The following HMCN2 variants were observed in gnomAD, a reference collection of about 807,000 sequenced individuals.
HMCN2 encodes the protein hemicentin 2.
HMCN2 carries 325 observed loss-of-function variants against 377.5 expected under a neutral mutation model. The ratio of observed to expected loss-of-function variants is 0.86; its 90% confidence interval spans 0.79 to 0.94. The LOEUF is 0.94. HMCN2 is among the 40% of genes least tolerant of loss of function. The pLI, the probability that HMCN2 is intolerant of heterozygous loss-of-function variation, is 0.00. For synonymous variants in HMCN2, 2,007 were observed against 2,046.8 expected (o/e 0.98, Z 0.53); for missense variants, 4,543 against 4,725.3 (o/e 0.96, Z 1.13).
At position 130,427,549 on chromosome 9, in the gene HMCN2, T is replaced by C. The variant is rs1342892788; in HGVS notation, c.13995T>C (p.Asn4665=). ...GPSPCSHACL[N]APGRFSCTCP... ...GCCCCTGCTCCCATGCCTGCCTTAA[T>C]GCACCCGGCCGCTTCTCCTGCACCT... The change falls in exon 92 of 98, where the codon AAT becomes AAC. Residue 4665 remains asparagine, a synonymous_variant. Transcript: ENST00000683500. 1.1e-5 allele frequency: 17 copies of C among 1,550,486 alleles called. No individual in the cohort carries two copies. In the South Asian group the frequency reaches 1.3e-4, roughly 12 times the overall value.
At position 130,358,417 on chromosome 9, in the gene HMCN2, G is replaced by C; in HGVS notation, c.5608G>C (p.Gly1870Arg). ...QIEKVDLRDE[G>R]IYTCAATNLA... ...TGAGAAGGTGGACCTGAGGGACGAG[G>C]GCATCTACACTTGTGCTGCTACCAA... is the stretch of plus-strand genomic sequence containing the variant. The change falls in exon 36 of 98, where the codon GGC becomes CGC. Residue 1870 changes from glycine (G) to arginine (R), a missense_variant. Coordinates refer to ENST00000683500, the MANE Select transcript of HMCN2 (RefSeq NM_001291815.2). 7.7e-7 allele frequency: 1 copy of C among 1,304,308 alleles called. No individual in the cohort carries two copies. Among genetic ancestry groups the C allele is most frequent in the Non-Finnish European group, 1.0e-6 (1 of 988,952 alleles). The allele number at this position is 1,304,308 out of a possible 1,614,324, so 80.8% of individuals were successfully genotyped here.
At chr9:130,380,490 G>C (rs1031215828) in intron 54 of HMCN2, among the ~76,000 whole-genome samples, 13 of 152,100 alleles carry the variant, frequency 8.5e-5, no homozygotes, top group African/African-American at 3.1e-4. Context: ...TTTGGTGCTT[G>C]CAAGAAAAGG....
chr9:130,300,852 G>GC (rs1360133967), intron 8 of HMCN2, among the ~76,000 whole-genome samples: 1 of 152,230 alleles, frequency 6.6e-6, no homozygotes, highest in Non-Finnish European at 1.5e-5. Flanking sequence ...TTTCAGGTCT[G>GC]CCCCTGGTCC....
intron 1 of HMCN2, among the ~76,000 whole-genome samples, chr9:130,276,553 T>C (rs1012293574): frequency 6.6e-6 from 1 of 152,172 alleles, no homozygotes; most frequent in Non-Finnish European, 1.5e-5. Context: ...CACTGGGTGT[T>C]CAGGGAGAGG....
Position 130,419,023 on chromosome 9 carries a change from G to A in HMCN2, c.13213G>A (p.Ala4405Thr). The change falls in exon 86 of 98, where the codon GCG becomes ACG. Residue 4405 changes from alanine to threonine, a missense_variant. Physicochemically the swap from Ala to Thr is moderately conservative, Grantham distance 58. Coordinates refer to ENST00000683500, the MANE Select transcript of HMCN2 (RefSeq NM_001291815.2). ...CCTCCTGGGCTCTGCCACAGCCCGGGCGTTCCTGGTCGTGAGAGGTATGGG... is the reference window on the plus strand; with the variant it reads ...CCTCCTGGGCTCTGCCACAGCCCGGACGTTCCTGGTCGTGAGAGGTATGGG... The part of the protein sequence containing the change: ...HNLLGSATAR[A>T]FLVVRGEPQG... 6.7e-7 allele frequency: 1 copy of A among 1,491,100 alleles called. No homozygotes were observed. The highest frequency in any genetic ancestry group is 1.3e-5 in the South Asian group (1 of 75,050). The allele number at this position is 1,491,100 out of a possible 1,614,324, so 92.4% of individuals were successfully genotyped here.
chr9:130,306,333 C>T (rs1554936758), intron 12 of HMCN2, 63 bp downstream of exon 12: 2 of 455,586 alleles, frequency 4.4e-6, no homozygotes, highest in Non-Finnish European at 9.3e-6. Context: ...CCCAGGGGAC[C>T]TCTCTGGGCC....
chr9:130,403,605 G>A (rs2131724465), intron 79 of HMCN2, 136 bp from the exon 80 acceptor site: 1 of 996,632 alleles, frequency 1.0e-6, no homozygotes, highest in Non-Finnish European at 1.3e-6. Flanking sequence ...AGGCTTCTTG[G>A]CTCCTTCTGT....
At chr9:130,409,028 C>T in intron 84 of HMCN2, 95 bp downstream of exon 84, 1 of 842,430 alleles carries the variant, frequency 1.2e-6, no homozygotes, top group South Asian at 1.6e-5. Flanking sequence ...GCCCCCTCTG[C>T]TTCTGCAGTG....
intron 11 of HMCN2, 94 bp downstream of exon 11, chr9:130,305,096 T>C (rs1396597960): frequency 2.5e-6 from 1 of 400,726 alleles, no homozygotes; most frequent in Non-Finnish European, 5.3e-6. Flanking sequence ...GCTCAGACAT[T>C]GTCTCTGGCA....
chr9:130,346,929 T>G (rs1200457895), intron 25 of HMCN2, among the ~76,000 whole-genome samples: 3 of 152,060 alleles, frequency 2.0e-5, no homozygotes, highest in East Asian at 3.9e-4. Context: ...GTCCCCGCCT[T>G]GGTCCCTCAG....
At chr9:130,278,875 C>T (rs533687944) in intron 1 of HMCN2, among the ~76,000 whole-genome samples, 67 of 149,756 alleles carry the variant, frequency 4.5e-4, no homozygotes, top group African/African-American at 1.6e-3. Flanking sequence ...GCCACCTCAC[C>T]CAGCCTGAGA....
chr9:130,366,767 G>T (rs7874077), intron 43 of HMCN2, among the ~76,000 whole-genome samples: 76,131 of 151,854 alleles, frequency 0.5, 19,367 homozygotes, highest in Non-Finnish European at 0.53. Context: ...TAACCAATAT[G>T]TATTGAGAGA....
At chr9:130,412,345 A>C (rs916684099) in intron 85 of HMCN2, among the ~76,000 whole-genome samples, 11 of 152,212 alleles carry the variant, frequency 7.2e-5, no homozygotes, top group African/African-American at 2.7e-4. Context: ...GCATGGATAT[A>C]GCCCTTTATC....
chr9:130,335,342 A>G (rs1385291038), intron 22 of HMCN2, among the ~76,000 whole-genome samples: 2 of 152,146 alleles, frequency 1.3e-5, no homozygotes, highest in African/African-American at 2.4e-5. Flanking sequence ...TTAATTTTTT[A>G]AAAAGCTGTA....
intron 89 of HMCN2, among the ~76,000 whole-genome samples, 195 bp downstream of exon 89, chr9:130,425,325 C>T (rs1365010763): frequency 6.6e-6 from 1 of 152,168 alleles, no homozygotes; most frequent in Non-Finnish European, 1.5e-5. Flanking sequence ...TGAAGGGATG[C>T]TCTGAGCCCT....
intron 89 of HMCN2, 113 bp downstream of exon 89, chr9:130,425,243 A>G: frequency 8.1e-7 from 1 of 1,236,642 alleles, no homozygotes; most frequent in South Asian, 1.6e-5. Context: ...ACAGCGCTGC[A>G]GGGCTGGGTC....
rs4066676 is a variant in HMCN2 at position 130,365,695 on chromosome 9, A to G, written c.6473A>G (p.His2158Arg). The G allele has an allele frequency of 0.97, 957,740 of 985,830 alleles. 468,096 individuals are homozygous for G. Among genetic ancestry groups the G allele is most frequent in the Non-Finnish European group, 0.99 (823,789 of 829,976 alleles). The allele number at this position is 985,830 out of a possible 1,614,324, so 61.1% of individuals were successfully genotyped here. A position where few individuals can be genotyped will look rare whatever the true frequency, so the allele number is the denominator to read the frequency against. The change falls in exon 42 of 98, where the codon CAC becomes CGC. Residue 2158 changes from histidine to arginine, a missense_variant. Coordinates refer to ENST00000683500, the MANE Select transcript of HMCN2 (RefSeq NM_001291815.2). ...YTCEALNQAGHSEKHYNLNVW... is the reference protein window; with the variant it reads ...YTCEALNQAGRSEKHYNLNVW... ...TGTGAGGCACTGAACCAGGCCGGCCACTCAGAGAAACACTACAATCTGAAC... is the reference window on the plus strand; with the variant it reads ...TGTGAGGCACTGAACCAGGCCGGCCGCTCAGAGAAACACTACAATCTGAAC...
intron 54 of HMCN2, among the ~76,000 whole-genome samples, chr9:130,379,748 T>A (rs1438038490): frequency 1.3e-5 from 2 of 152,372 alleles, no homozygotes; most frequent in South Asian, 4.1e-4. Context: ...CAGAGGCAGC[T>A]GGCTTCTTTG....
rs1048504024 is a variant in HMCN2, at chr9:130,428,998, C to A, written c.14197+509C>A. Among the ~76,000 whole-genome samples the A allele has an allele frequency of 6.6e-6, 1 of 152,190 alleles. No individual in the cohort carries two copies. Among genetic ancestry groups the A allele is most frequent in the African/African-American group, 2.4e-5 (1 of 41,434 alleles). On this transcript the variant is annotated intron_variant, in intron 93 of 97. Coordinates refer to ENST00000683500, the MANE Select transcript of HMCN2 (RefSeq NM_001291815.2). This position sits in a 1 kb window ranked among gnomAD's most constrained non-coding sequence, Gnocchi z 5.0. ...ATGGCTGTAGGACCGTGGGTCCACC[C>A]GGCTCCTCTGAGAGACTGCACGGTG...
Sources: gnomAD v4.1 joint callset for allele counts (sites outside exome capture counted in the v4.1 genomes callset) on GRCh38, gnomAD v4.1.1 for gene constraint, Gnocchi (gnomAD v3.1) non-coding constraint, MANE v1.5 for transcripts, NCBI Gene and HGNC (gene_info 2026-07-23, HGNC 2026-07-21) for gene names.